Variants in CELF2 observed in about 807,000 individuals in gnomAD.
The protein encoded by CELF2 is CUG triplet repeat RNA-binding protein 2.
A neutral mutation model predicts 62.6 loss-of-function variants in CELF2; 8 were observed. The observed-to-expected ratio is 0.13, with a 90% CI of 0.07 to 0.23. The LOEUF is 0.23. Ranked by LOEUF, CELF2 falls within the 10% of genes least tolerant of loss-of-function variation. The pLI is 1.00. For missense variants in CELF2, 333 were observed against 671.0 expected (o/e 0.50, Z 5.56); for synonymous variants, 258 against 250.0 (o/e 1.03, Z -0.30).
the CELF2 span, among the ~76,000 whole-genome samples, chr10:10,564,666 A>ACACG: frequency 3.9e-5 from 4 of 102,240 alleles, no homozygotes; most frequent in East Asian, 4.0e-4. Flanking sequence ...ACACACACAC[A>ACACG]CACACACGCA....
chr10:10,962,533 A>C (rs2049634191), intron 2 of CELF2, among the ~76,000 whole-genome samples: 1 of 152,142 alleles, frequency 6.6e-6, no homozygotes, highest in Admixed American at 6.6e-5. Context: ...GACCAGCCTG[A>C]GCAGCAGAGC....
the CELF2 span, among the ~76,000 whole-genome samples, chr10:10,587,623 T>G: frequency 2.6e-5 from 4 of 152,222 alleles, no homozygotes; most frequent in Non-Finnish European, 5.9e-5. Flanking sequence ...TGTTTGTTTG[T>G]AAGTAAATTG....
At chr10:10,977,426 T>C (rs1176051478) in intron 2 of CELF2, among the ~76,000 whole-genome samples, 1 of 152,202 alleles carries the variant, frequency 6.6e-6, no homozygotes, top group Admixed American at 6.5e-5. Context: ...ATCTGGCAGG[T>C]TCATATGCAA....
intron 1 of CELF2, among the ~76,000 whole-genome samples, chr10:11,043,771 T>C (rs1179418023): frequency 1.3e-5 from 2 of 152,142 alleles, no homozygotes; most frequent in African/African-American, 2.4e-5. Context: ...GTACACATGT[T>C]TCCCATCTGG....
At chr10:10,648,009 C>T in the CELF2 span, among the ~76,000 whole-genome samples, 5 of 152,204 alleles carry the variant, frequency 3.3e-5, no homozygotes, top group Non-Finnish European at 5.9e-5. Flanking sequence ...GATTCAACTA[C>T]AGATGTTTTT....
At chr10:10,965,862 A>C (rs573519464) in intron 2 of CELF2, among the ~76,000 whole-genome samples, 1 of 152,324 alleles carries the variant, frequency 6.6e-6, no homozygotes, top group Non-Finnish European at 1.5e-5. Flanking sequence ...TCATTAGCAC[A>C]GTTATTACCC....
At chr10:10,952,304 C>T (rs2048407664) in intron 2 of CELF2, 1 of 152,232 alleles carries the variant, frequency 6.6e-6, no homozygotes, top group Admixed American at 6.5e-5. Flanking sequence ...CTCTGTGATC[C>T]AGACCAACTC....
chr10:10,570,015 C>G, the CELF2 span, among the ~76,000 whole-genome samples: 1 of 152,168 alleles, frequency 6.6e-6, no homozygotes, highest in Admixed American at 6.5e-5. Context: ...AGTGCACTGG[C>G]TTCCCAACCT....
At chr10:11,307,261 G>A (rs564217041) in intron 9 of CELF2, among the ~76,000 whole-genome samples, 29 of 152,360 alleles carry the variant, frequency 1.9e-4, no homozygotes, top group Admixed American at 3.3e-4. Context: ...GGATGGGGGC[G>A]CAGCAGGCAG....
chr10:10,595,265 A>G, the CELF2 span, among the ~76,000 whole-genome samples: 3 of 152,334 alleles, frequency 2.0e-5, no homozygotes, highest in East Asian at 5.8e-4. Context: ...CTGAAGACTC[A>G]AAGCTAAGAA....
intron 1 of CELF2, among the ~76,000 whole-genome samples, chr10:11,032,963 T>C (rs1762417452): frequency 6.6e-6 from 1 of 152,260 alleles, no homozygotes; most frequent in Non-Finnish European, 1.5e-5. Flanking sequence ...ACAGACTATT[T>C]TGTACTGTAA....
intron 1 of CELF2, among the ~76,000 whole-genome samples, chr10:11,115,973 T>C (rs1188330067): frequency 6.6e-6 from 1 of 152,220 alleles, no homozygotes. Flanking sequence ...AGAAGACACA[T>C]GAAGGACCTT....
chr10:11,233,138 G>A (rs1433378375), intron 3 of CELF2, among the ~76,000 whole-genome samples: 5 of 152,182 alleles, frequency 3.3e-5, no homozygotes, highest in African/African-American at 1.2e-4. Flanking sequence ...TACACCAGCT[G>A]TTCAGGCCCA....
chr10:10,565,506 G>A, the CELF2 span, among the ~76,000 whole-genome samples: 1 of 152,192 alleles, frequency 6.6e-6, no homozygotes, highest in Admixed American at 6.5e-5. Flanking sequence ...AATCTGTCTA[G>A]CCCTAAGCAG....
chr10:10,676,574 G>A, the CELF2 span, among the ~76,000 whole-genome samples: 1 of 152,280 alleles, frequency 6.6e-6, no homozygotes, highest in South Asian at 2.1e-4. Context: ...AAGTGTGATG[G>A]GGTTCCCCTA....
chr10:11,282,333 C>G (rs1410348797), intron 8 of CELF2, among the ~76,000 whole-genome samples: 1 of 152,218 alleles, frequency 6.6e-6, no homozygotes, highest in East Asian at 1.9e-4. Flanking sequence ...AGGACAGGCA[C>G]CCAGGGAAGG....
At chr10:10,784,306 C>T in the CELF2 span, 1 of 152,416 alleles carries the variant, frequency 6.6e-6, no homozygotes, top group Admixed American at 6.5e-5. Flanking sequence ...CCATGACTCC[C>T]AAAGCCCCAG....
chr10:10,512,402 T>C, the CELF2 span, among the ~76,000 whole-genome samples: 2 of 51,486 alleles, frequency 3.9e-5, no homozygotes, highest in African/African-American at 6.4e-5. Flanking sequence ...TTTGGAACGC[T>C]TTTTTTTTTT....
chr10:11,225,077 C>A (rs190297268), intron 3 of CELF2, among the ~76,000 whole-genome samples: 1 of 152,106 alleles, frequency 6.6e-6, no homozygotes, highest in Non-Finnish European at 1.5e-5. Context: ...CCTGGGAAGT[C>A]TCATTAGTAG....
Sources: allele counts gnomAD v4.1 joint callset (sites outside exome capture counted in the v4.1 genomes callset), GRCh38; gene constraint gnomAD v4.1.1; transcripts MANE v1.5; gene names NCBI Gene and HGNC (gene_info 2026-07-23, HGNC 2026-07-21).